The following ABTB2 variants were observed in gnomAD, a reference collection of about 807,000 sequenced individuals.
ABTB2 encodes the protein ankyrin repeat and BTB/POZ domain-containing protein 2.
In ABTB2, 56 loss-of-function variants were observed where a neutral mutation model predicts 104.1. The ratio of observed to expected loss-of-function variants is 0.54; its 90% CI spans 0.43 to 0.67. ABTB2 has a LOEUF of 0.67. Among genes scored for constraint, ABTB2 ranks in the 30% least tolerant of loss-of-function variants. The pLI, the probability that ABTB2 is intolerant of heterozygous loss-of-function variation, is 0.00. For missense variants in ABTB2, 1,279 were observed against 1,407.7 expected, an observed-to-expected ratio of 0.91 and a Z score of 1.46; for synonymous variants, 606 against 608.2, an observed-to-expected ratio of 1.00 and a Z score of 0.05.
At chr11:34,290,742 G>A (rs753123085) in intron 1 of ABTB2, among the ~76,000 whole-genome samples, 68 of 152,168 alleles carry the variant, frequency 4.5e-4, no homozygotes, top group Non-Finnish European at 8.4e-4. Context: ...AAACACCATG[G>A]AACAAAAGAA....
intron 1 of ABTB2, among the ~76,000 whole-genome samples, chr11:34,323,043 A>G (rs960860640): frequency 6.6e-6 from 1 of 152,074 alleles, no homozygotes; most frequent in Admixed American, 6.5e-5. Flanking sequence ...AGTAGCTGGG[A>G]TTACAGGCAC....
At chr11:34,284,075 G>A (rs574202615) in intron 1 of ABTB2, among the ~76,000 whole-genome samples, 14 of 152,324 alleles carry the variant, frequency 9.2e-5, no homozygotes, top group Middle Eastern at 3.4e-3. Flanking sequence ...TCTATGGTGG[G>A]GCTTTTGAGA....
chr11:34,255,366 G>C (rs994403263), intron 1 of ABTB2, among the ~76,000 whole-genome samples: 5 of 152,172 alleles, frequency 3.3e-5, no homozygotes, highest in Non-Finnish European at 5.9e-5. Flanking sequence ...GAACGGTACA[G>C]ACAGCCCATG....
intron 1 of ABTB2, among the ~76,000 whole-genome samples, chr11:34,313,681 C>T (rs980553902): frequency 2.0e-5 from 3 of 152,214 alleles, no homozygotes; most frequent in Non-Finnish European, 2.9e-5. Context: ...AGAGATGCCA[C>T]TGGGAGGGCG....
At chr11:34,179,906 T>C (rs1160381565) in intron 3 of ABTB2, among the ~76,000 whole-genome samples, 4 of 152,142 alleles carry the variant, frequency 2.6e-5, no homozygotes, top group African/African-American at 9.7e-5. Flanking sequence ...AGTTGTTCCA[T>C]CAGCAAAATG....
intron 1 of ABTB2, among the ~76,000 whole-genome samples, chr11:34,295,457 T>C (rs1854610942): frequency 6.6e-6 from 1 of 152,148 alleles, no homozygotes; most frequent in South Asian, 2.1e-4. Context: ...CTGTAATATA[T>C]TTTCAGTGAT....
chr11:34,352,475 C>A (rs1203752966), intron 1 of ABTB2, among the ~76,000 whole-genome samples: 1 of 152,208 alleles, frequency 6.6e-6, no homozygotes, highest in Admixed American at 6.5e-5. Flanking sequence ...CTCATTTCCT[C>A]CACTGGATTA....
intron 1 of ABTB2, among the ~76,000 whole-genome samples, chr11:34,275,676 C>T (rs1012285368): frequency 1.4e-4 from 22 of 152,196 alleles, no homozygotes; most frequent in African/African-American, 5.3e-4. Context: ...CATTTTCCAC[C>T]TGCTTTCACT....
chr11:34,347,440 A>AT (rs201632118), intron 1 of ABTB2, among the ~76,000 whole-genome samples: 5 of 152,216 alleles, frequency 3.3e-5, no homozygotes, highest in African/African-American at 9.6e-5. Context: ...TGTGTCAAAA[A>AT]AATAATAATA....
chr11:34,356,599 T>C lies in ABTB2; in HGVS notation c.883+102A>G. 1 of 1,402,850 alleles carries C rather than the reference T, an allele frequency of 7.1e-7. No individual in the cohort carries two copies. Among genetic ancestry groups the C allele is most frequent in the East Asian group, 2.5e-5 (1 of 39,672 alleles). 86.9% of individuals were successfully genotyped at this position (1,402,850 alleles called of 1,614,324 possible). A position where few individuals can be genotyped will look rare whatever the true frequency, so the allele number is the denominator to read the frequency against. On this transcript the variant is annotated intron_variant, in intron 1 of 16. Transcript: ENST00000435224. This position sits in a 1 kb window ranked among gnomAD's most constrained non-coding sequence, Gnocchi z 4.6. ...GACCAAACGTTTTCTCCCAAAGAAC[T>C]GGCACAGCCACCAGCTTTGTCTCAG... is the stretch of plus-strand genomic sequence containing the variant.
chr11:34,194,703 C>T (rs899811819), intron 3 of ABTB2, among the ~76,000 whole-genome samples: 10 of 151,862 alleles, frequency 6.6e-5, no homozygotes, highest in Admixed American at 2.0e-4. Context: ...GCCACCAGGG[C>T]GCCGTCGGGC....
At chr11:34,175,302 G>GA (rs1380102643) in intron 3 of ABTB2, among the ~76,000 whole-genome samples, 2 of 152,230 alleles carry the variant, frequency 1.3e-5, no homozygotes, top group Non-Finnish European at 2.9e-5. Flanking sequence ...ATAGTAAGTT[G>GA]AAAATATCCT....
rs1260837172 is a variant in ABTB2, at chr11:34,308,880, A to AAAAAAAAAG, written c.883+47820_883+47821insCTTTTTTTT. ...GAGGAAACTGTCTCAAAAAAAAAAA[A>AAAAAAAAAG]AAAAAAAGAAAAGAGAAAGAAAGAA... On this transcript the variant is annotated intron_variant, in intron 1 of 16. Coordinates refer to ENST00000435224, the MANE Select transcript of ABTB2 (RefSeq NM_145804.3). 4.8e-4 allele frequency among the ~76,000 whole-genome samples: 73 copies of AAAAAAAAAG among 151,170 alleles called. 1 individual carries two copies. Among genetic ancestry groups the AAAAAAAAAG allele is most frequent in the African/African-American group, 1.6e-3 (67 of 41,250 alleles).
intron 1 of ABTB2, among the ~76,000 whole-genome samples, chr11:34,246,840 CTTTTTTCTTTTTTTT>C (rs796874510): frequency 7.8e-6 from 1 of 127,456 alleles, no homozygotes; most frequent in African/African-American, 3.1e-5. Flanking sequence ...TTCTTTTTTT[CTTTTTTCTTTTTTTT>C]TTTTTTTTTG....
chr11:34,164,349 G>A (rs1852766465), intron 9 of ABTB2, among the ~76,000 whole-genome samples: 1 of 142,650 alleles, frequency 7.0e-6, no homozygotes, highest in African/African-American at 2.5e-5. Flanking sequence ...TTGGGCACTG[G>A]AGGACCACCA....
intron 1 of ABTB2, among the ~76,000 whole-genome samples, chr11:34,209,442 A>G (rs1267717428): frequency 2.1e-5 from 3 of 145,730 alleles, no homozygotes; most frequent in Non-Finnish European, 4.5e-5. Flanking sequence ...GTAAACTGGA[A>G]AATTTCCCAG....
chr11:34,256,724 A>G (rs951130246), intron 1 of ABTB2, among the ~76,000 whole-genome samples: 12 of 152,200 alleles, frequency 7.9e-5, no homozygotes, highest in Non-Finnish European at 1.6e-4. Flanking sequence ...TTGTTTCCCA[A>G]GTGAAAAATG....
chr11:34,348,436 A>C (rs1428714406), intron 1 of ABTB2, among the ~76,000 whole-genome samples: 3 of 152,152 alleles, frequency 2.0e-5, no homozygotes, highest in Non-Finnish European at 4.4e-5. Flanking sequence ...TTCCACCCAA[A>C]CAGGAGAACT....
chr11:34,200,254 A>T (rs1853319790), intron 2 of ABTB2, among the ~76,000 whole-genome samples: 1 of 152,256 alleles, frequency 6.6e-6, no homozygotes, highest in Non-Finnish European at 1.5e-5. Context: ...AAGGCTCAAC[A>T]AGGTAGAAGT....
Sources: gnomAD v4.1 joint callset for allele counts (sites outside exome capture counted in the v4.1 genomes callset) on GRCh38, gnomAD v4.1.1 for gene constraint, Gnocchi (gnomAD v3.1) non-coding constraint, MANE v1.5 for transcripts, NCBI Gene and HGNC (gene_info 2026-07-23, HGNC 2026-07-21) for gene names.